Variants in HEATR3 observed in about 807,000 individuals in gnomAD.
The protein encoded by HEATR3 is HEAT repeat containing 3, also known as HEAT repeat-containing protein 3.
Under a neutral mutation model 72.8 loss-of-function variants are expected in HEATR3, and 56 were observed. The observed-to-expected ratio is 0.77, with a 90% CI of 0.62 to 0.96. HEATR3 has a LOEUF of 0.96. Ranked by LOEUF, HEATR3 falls within the 40% of genes least tolerant of loss-of-function variation. The probability of loss-of-function intolerance (pLI) is 0.00; values close to 1 mark genes in which losing one functional copy is unlikely to be tolerated. For synonymous variants in HEATR3, 331 were observed against 318.1 expected (o/e 1.04, Z -0.43); for missense variants, 747 against 831.4 (o/e 0.90, Z 1.25).
intron 11 of HEATR3, among the ~76,000 whole-genome samples, chr16:50,092,444 T>TTTTTTTC (rs2037137691): frequency 7.0e-6 from 1 of 142,904 alleles, no homozygotes; most frequent in African/African-American, 2.7e-5. Flanking sequence ...TTCTTTTTTT[T>TTTTTTTC]TTTTTTTTCC....
At position 50,093,767 on chromosome 16, in the gene HEATR3, G is replaced by A. The variant is rs79624237; in HGVS notation, c.1511-938G>A. ...ACCCACAGTGACCTCTTCATGTGAC[G>A]CAGGCTTCCTCATAACAGGATGGCT... On this transcript the variant is annotated intron_variant, in intron 11 of 14. Transcript: ENST00000299192. Among the ~76,000 whole-genome samples, 570 of 152,268 alleles carry A rather than the reference G, an allele frequency of 3.7e-3. 4 individuals carry two copies. The highest frequency in any genetic ancestry group is 0.013 in the African/African-American group (544 of 41,552).
Position 50,105,959 on chromosome 16 carries a change from CAA to C in HEATR3, c.*900_*901del, listed in dbSNP as rs1307453945. 1 of 152,160 alleles carries C rather than the reference CAA, an allele frequency of 6.6e-6. No individual in the cohort carries two copies. Among genetic ancestry groups the C allele is most frequent in the Non-Finnish European group, 1.5e-5 (1 of 68,034 alleles). 9.4% of individuals were successfully genotyped at this position (152,160 alleles called of 1,614,324 possible). A position where few individuals can be genotyped will look rare whatever the true frequency, so the allele number is the denominator to read the frequency against. On this transcript the variant is annotated 3_prime_UTR_variant, in exon 15 of 15. Transcript: ENST00000299192. ...TGGCATATTTTAATCACTGGAAACT[CAA>C]AGAGTGGAAGAGTGGAAGTGCGAAG...
chr16:50,075,565 T>C lies in HEATR3; in HGVS notation c.623-6T>C, dbSNP rs1449817215. 17 of 1,608,832 alleles carry C rather than the reference T, an allele frequency of 1.1e-5. No homozygotes were observed. The highest frequency in any genetic ancestry group is 1.4e-5 in the Non-Finnish European group (17 of 1,175,808). ...TGTTTCTAAATACTTATTTTTTGCC[T>C]CGTAGCATATTGTTTGCAGACAGTG... On this transcript the variant is annotated splice_region_variant and splice_polypyrimidine_tract_variant and intron_variant, in intron 5 of 14. Transcript: ENST00000299192.
chr16:50,088,908 A>G (rs1454717652), intron 11 of HEATR3, among the ~76,000 whole-genome samples: 2 of 150,774 alleles, frequency 1.3e-5, no homozygotes, highest in Non-Finnish European at 3.0e-5. Context: ...GCTCTGGGCC[A>G]TTTCTCACTG....
intron 12 of HEATR3, chr16:50,098,383 C>G (rs191166723): frequency 1.3e-5 from 2 of 152,056 alleles, no homozygotes; most frequent in East Asian, 3.9e-4. Context: ...AGGTCGGGCA[C>G]GGTGGCTCAC....
chr16:50,084,252 A>C lies in HEATR3; in HGVS notation c.1251A>C (p.Glu417Asp). ...TTTCTCCCCTCTGCCTCTCCCATGA[A>C]GTTCACACGGCTCTCACCAACTACC... ...QLFSPLCLSH[E>D]VHTALTNYLI... Residue 417 changes from glutamate to aspartate, a missense_variant, in exon 9 of 15, where the codon GAA (glutamate) becomes GAC (aspartate). Glu to Asp is a conservative substitution (Grantham distance 45). Around this residue, in one of 2 missense-constraint regions of HEATR3, gnomAD observed 586 missense variants for 708.8 expected, o/e 0.83. Transcript: ENST00000299192. 4 of 1,614,118 alleles carry C rather than the reference A, an allele frequency of 2.5e-6. No individual in the cohort carries two copies. Among genetic ancestry groups the C allele is most frequent in the Non-Finnish European group, 3.4e-6 (4 of 1,180,028 alleles).
At position 50,106,096 on chromosome 16, in the gene HEATR3, C is replaced by G. The variant is rs1431942268; in HGVS notation, c.*1035C>G. On this transcript the variant is annotated 3_prime_UTR_variant, in exon 15 of 15. Coordinates refer to ENST00000299192, the MANE Select transcript of HEATR3 (RefSeq NM_182922.4). The stretch of plus-strand genomic sequence containing the variant: ...AAATCCAAAGCATTGCTTGGATGTT[C>G]TTTTAAGGCATTTTATATCAGTTGA... 1.3e-5 allele frequency: 2 copies of G among 152,164 alleles called. No homozygotes were observed. Among genetic ancestry groups the G allele is most frequent in the Admixed American group, 6.6e-5 (1 of 15,264 alleles). The allele number at this position is 152,164 out of a possible 1,614,324, so 9.4% of individuals were successfully genotyped here.
At chr16:50,067,135 C>T (rs2036515515) in intron 2 of HEATR3, among the ~76,000 whole-genome samples, 1 of 152,236 alleles carries the variant, frequency 6.6e-6, no homozygotes, top group Non-Finnish European at 1.5e-5. Context: ...AGGAGGATCA[C>T]TGGAGGCCAG....
chr16:50,084,151 T>C lies in HEATR3; in HGVS notation c.1150T>C (p.Trp384Arg). 6.2e-7 allele frequency: 1 copy of C among 1,614,160 alleles called. No individual in the cohort carries two copies. The highest frequency in any genetic ancestry group is 8.5e-7 in the Non-Finnish European group (1 of 1,180,022). Reference protein sequence around the residue: ...CCNEDPSDDEWEELSSSDESD... With the variant: ...CCNEDPSDDEREELSSSDESD... ...CTTCCCAGATCCCTCTGATGACGAA[T>C]GGGAAGAGCTTTCTAGCAGTGATGA... Residue 384 changes from tryptophan to arginine, a missense_variant, in exon 9 of 15, where the codon TGG (tryptophan) becomes CGG (arginine). Trp to Arg is a moderately radical substitution (Grantham distance 101). Transcript: ENST00000299192.
intron 6 of HEATR3, 25 bp from the exon 7 acceptor site, chr16:50,078,716 A>G: frequency 1.3e-6 from 2 of 1,590,408 alleles, no homozygotes; most frequent in Non-Finnish European, 1.7e-6. Context: ...GGCATTTCTT[A>G]TCCTTATGCT....
Position 50,097,078 on chromosome 16 carries a change from A to AT in HEATR3, c.1599+2291dup, listed in dbSNP as rs1022200382. Among the ~76,000 whole-genome samples the AT allele has an allele frequency of 5.9e-5, 9 of 151,968 alleles. 1 individual carries two copies. Among genetic ancestry groups the AT allele is most frequent in the Admixed American group, 4.6e-4 (7 of 15,254 alleles). On this transcript the variant is annotated intron_variant, in intron 12 of 14. Transcript: ENST00000299192. ...CCAGGTCCAGATTATTTATTTATTT[A>AT]TTTTTTGTATTTATAATAAATAATC...
chr16:50,091,392 G>A (rs971384717), intron 11 of HEATR3, among the ~76,000 whole-genome samples: 136 of 151,930 alleles, frequency 9.0e-4, no homozygotes, highest in Middle Eastern at 3.4e-3. Context: ...ACTTGAACCC[G>A]GGAGGCAGAG....
At chr16:50,092,678 A>G (rs1236088221) in intron 11 of HEATR3, among the ~76,000 whole-genome samples, 1 of 151,588 alleles carries the variant, frequency 6.6e-6, no homozygotes, top group Non-Finnish European at 1.5e-5. Flanking sequence ...TCCTGACCTC[A>G]TGATCGGCCC....
At chr16:50,083,427 C>A (rs2036915455) in intron 7 of HEATR3, among the ~76,000 whole-genome samples, 1 of 152,116 alleles carries the variant, frequency 6.6e-6, no homozygotes, top group South Asian at 2.1e-4. Flanking sequence ...AGGCAGGAAG[C>A]AAGTCTGTCT....
rs567046256 is a variant in HEATR3, at chr16:50,105,813, C to T, written c.*752C>T. ...CTCAAATTCCTGACCTCAAGTGATCCGCCTGCCCTGGCCTCCCAAAGTGCT... is the reference window on the plus strand; with the variant it reads ...CTCAAATTCCTGACCTCAAGTGATCTGCCTGCCCTGGCCTCCCAAAGTGCT... On this transcript the variant is annotated 3_prime_UTR_variant, in exon 15 of 15. Coordinates refer to ENST00000299192, the MANE Select transcript of HEATR3 (RefSeq NM_182922.4). 531 of 152,040 alleles carry T rather than the reference C, an allele frequency of 3.5e-3. 2 individuals are homozygous for T. Among genetic ancestry groups the T allele is most frequent in the African/African-American group, 0.01 (433 of 41,446 alleles). 9.4% of individuals were successfully genotyped at this position (152,040 alleles called of 1,614,324 possible). A position where few individuals can be genotyped will look rare whatever the true frequency, so the allele number is the denominator to read the frequency against.
chr16:50,078,743 A>G lies in HEATR3; in HGVS notation c.766A>G (p.Thr256Ala), dbSNP rs199842565. The change falls in exon 7 of 15, where the codon ACA (threonine) becomes GCA (alanine). Residue 256 changes from threonine to alanine, a missense_variant and splice_region_variant. Thr to Ala is a moderately conservative substitution (Grantham distance 58). Transcript: ENST00000299192. The part of the protein sequence containing the change: ...SLLLKTLVAG[T>A]IWNLKDIIPC... Reference sequence around the variant, plus strand: ...CCTTATGCTTGTTTTTTTCCCAGGCACAATTTGGAATCTAAAGGACATTAT... The same window carrying G: ...CCTTATGCTTGTTTTTTTCCCAGGCGCAATTTGGAATCTAAAGGACATTAT... 9 of 1,602,936 alleles carry G rather than the reference A, an allele frequency of 5.6e-6. No individual in the cohort carries two copies. In the Admixed American group the frequency reaches 1.6e-4, roughly 28 times the overall value.
chr16:50,088,595 C>T (rs2150614786), intron 11 of HEATR3, among the ~76,000 whole-genome samples: 1 of 152,336 alleles, frequency 6.6e-6, no homozygotes, highest in South Asian at 2.1e-4. Flanking sequence ...TATTTGTCTC[C>T]TAGCCTCCTA....
In HEATR3 at chr16:50,094,757, C is replaced by T; in HGVS notation, c.1563C>T (p.Ala521=). ...AAGCCATAAGTAGTGCTTTGAGGGC[C>T]CTTTTGCAAACAATGGCCTCCAAGA... ...FLEAISSALR[A]LLQTMASKNI... The change falls in exon 12 of 15, where the codon GCC becomes GCT. Residue 521 remains alanine (A), a synonymous_variant. Coordinates refer to ENST00000299192, the MANE Select transcript of HEATR3 (RefSeq NM_182922.4). 1.3e-6 allele frequency: 2 copies of T among 1,594,708 alleles called. No individual in the cohort carries two copies. Among genetic ancestry groups the T allele is most frequent in the Non-Finnish European group, 1.7e-6 (2 of 1,171,974 alleles).
chr16:50,095,871 A>T (rs947524656), intron 12 of HEATR3, among the ~76,000 whole-genome samples: 2 of 152,160 alleles, frequency 1.3e-5, no homozygotes, highest in Non-Finnish European at 2.9e-5. Flanking sequence ...TTCAGTATGC[A>T]TGTCTGACAG....
Sources: gnomAD v4.1 joint callset for allele counts (sites outside exome capture counted in the v4.1 genomes callset) on GRCh38, gnomAD v4.1.1 for gene constraint, gnomAD v4.1.1 regional missense constraint, MANE v1.5 for transcripts, NCBI Gene and HGNC (gene_info 2026-07-23, HGNC 2026-07-21) for gene names.